VPS26A: variants seen among roughly 807,000 people sequenced by gnomAD.
VPS26A encodes VPS26 retromer complex component A.
A neutral mutation model predicts 42.4 loss-of-function variants in VPS26A; 22 were observed. That is an observed-to-expected ratio of 0.52 (90% CI 0.37 to 0.74). The LOEUF (loss-of-function observed/expected upper bound fraction) is 0.74. Among genes scored for constraint, VPS26A ranks in the 30% least tolerant of loss-of-function variants. VPS26A has a pLI of 0.00. For missense variants in VPS26A, 276 were observed against 379.2 expected (o/e 0.73, Z 2.26); for synonymous variants, 110 against 123.5 (o/e 0.89, Z 0.73).
At chr10:69,136,399 G>A (rs1036920770) in intron 2 of VPS26A, among the ~76,000 whole-genome samples, 1 of 151,622 alleles carries the variant, frequency 6.6e-6, no homozygotes, top group African/African-American at 2.4e-5. Context: ...TGAGTAGCTG[G>A]GATTACAGGC....
chr10:69,131,828 T>G (rs1840786000), intron 1 of VPS26A, among the ~76,000 whole-genome samples: 4 of 152,218 alleles, frequency 2.6e-5, no homozygotes, highest in African/African-American at 7.2e-5. Context: ...CTTAAAAAGA[T>G]TAGAAGACTA....
At position 69,157,019 on chromosome 10, in the gene VPS26A, A is replaced by G; in HGVS notation, c.242A>G (p.Asp81Gly). 1 of 1,595,326 alleles carries G rather than the reference A, an allele frequency of 6.3e-7. No homozygotes were observed. Among genetic ancestry groups the G allele is most frequent in the South Asian group, 1.1e-5 (1 of 88,392 alleles). ...TAAAATTTCTCAGAACTTTTCAATG[A>G]CAAGAGTAATACTCATGAATTTGTA... ...EFVGQIELFN[D>G]KSNTHEFVNL... Residue 81 changes from aspartate (D) to glycine (G), a missense_variant, in exon 4 of 9, where the codon GAC becomes GGC. Transcript: ENST00000263559.
At chr10:69,137,357 C>T (rs1840937221) in intron 2 of VPS26A, among the ~76,000 whole-genome samples, 1 of 152,104 alleles carries the variant, frequency 6.6e-6, no homozygotes. Flanking sequence ...AGGGACTTAC[C>T]AGGTTAAAAT....
Position 69,171,804 on chromosome 10 carries a change from T to C in VPS26A, c.*535T>C, listed in dbSNP as rs928936467. On this transcript the variant is annotated 3_prime_UTR_variant, in exon 9 of 9. Coordinates refer to ENST00000263559, the MANE Select transcript of VPS26A (RefSeq NM_004896.5). ...TACATTTGTTTTTAACATATGTGTTTGAGAAAAGCATATGGAGTGTTTCAC... is the reference window on the plus strand; with the variant it reads ...TACATTTGTTTTTAACATATGTGTTCGAGAAAAGCATATGGAGTGTTTCAC... 6.5e-6 allele frequency: 1 copy of C among 153,240 alleles called. No homozygotes were observed. Among genetic ancestry groups the C allele is most frequent in the African/African-American group, 2.4e-5 (1 of 41,466 alleles). 9.5% of individuals were successfully genotyped at this position (153,240 alleles called of 1,614,324 possible).
Position 69,171,649 on chromosome 10 carries a change from C to A in VPS26A, c.*380C>A, listed in dbSNP as rs532044011. ...TGATTATAAATCCTCTCTTTTCAGG[C>A]TAATGATTACCTCTTATTCTCTACA... On this transcript the variant is annotated 3_prime_UTR_variant, in exon 9 of 9. Coordinates refer to ENST00000263559, the MANE Select transcript of VPS26A (RefSeq NM_004896.5). 6.3e-6 allele frequency: 1 copy of A among 158,414 alleles called. No homozygotes were observed. Among genetic ancestry groups the A allele is most frequent in the Non-Finnish European group, 1.4e-5 (1 of 72,328 alleles). The allele number at this position is 158,414 out of a possible 1,614,324, so 9.8% of individuals were successfully genotyped here. A position where few individuals can be genotyped will look rare whatever the true frequency, so the allele number is the denominator to read the frequency against.
Position 69,149,727 on chromosome 10 carries a change from G to GTTTT in VPS26A, c.154-6082_154-6079dup, listed in dbSNP as rs151136046. ...ACCATGGAATGTTAACTTTCTTGGT[G>GTTTT]TTTTTTGTTTTTTTTTTTTTTTTTT... On this transcript the variant is annotated intron_variant, in intron 2 of 8. Transcript: ENST00000263559. 2.5e-3 allele frequency among the ~76,000 whole-genome samples: 235 copies of GTTTT among 93,930 alleles called. 36 individuals carry two copies. Among genetic ancestry groups the GTTTT allele is most frequent in the African/African-American group, 6.9e-3 (141 of 20,566 alleles). The allele number at this position is 93,930 out of a possible 152,430, so 61.6% of individuals were successfully genotyped here. A position where few individuals can be genotyped will look rare whatever the true frequency, so the allele number is the denominator to read the frequency against.
At chr10:69,157,296 C>T in intron 4 of VPS26A, 133 bp downstream of exon 4, 4 of 1,178,314 alleles carry the variant, frequency 3.4e-6, no homozygotes, top group Non-Finnish European at 4.6e-6. Context: ...CTGTCACATA[C>T]TTTGGCTAAT....
chr10:69,128,962 A>C (rs1564671612), intron 1 of VPS26A, among the ~76,000 whole-genome samples: 4 of 132,128 alleles, frequency 3.0e-5, no homozygotes, highest in Non-Finnish European at 4.6e-5. Flanking sequence ...ATACCACTGC[A>C]CTCCAGCCTG....
Position 69,158,220 on chromosome 10 carries a change from C to T in VPS26A, c.551+9C>T. 6.4e-7 allele frequency: 1 copy of T among 1,566,456 alleles called. No individual in the cohort carries two copies. Among genetic ancestry groups the T allele is most frequent in the Non-Finnish European group, 8.6e-7 (1 of 1,159,146 alleles). On this transcript the variant is annotated intron_variant, in intron 5 of 8. Coordinates refer to ENST00000263559, the MANE Select transcript of VPS26A (RefSeq NM_004896.5). ...GAATATAATAAATCAAAGTAAGTAT[C>T]ATTCACAGATAAGTTGTTCAGAGAA...
chr10:69,131,473 G>A (rs1840775905), intron 1 of VPS26A, among the ~76,000 whole-genome samples: 1 of 152,110 alleles, frequency 6.6e-6, no homozygotes, highest in Non-Finnish European at 1.5e-5. Context: ...GGTGGCTCAT[G>A]CCTGTAATCC....
chr10:69,156,360 A>G (rs554402764), intron 3 of VPS26A, among the ~76,000 whole-genome samples: 34 of 152,208 alleles, frequency 2.2e-4, no homozygotes, highest in African/African-American at 7.7e-4. Context: ...ATTTCCATAC[A>G]TGATTCCAGA....
rs1771863868 is a variant in VPS26A at position 69,159,664 on chromosome 10, AG to A, written c.551+1454del. On this transcript the variant is annotated intron_variant, in intron 5 of 8. Transcript: ENST00000263559. ...TGTTTTCTGTGTCTATTCAGAAAAA[AG>A]TTTTAAAAAGTTATATATCATTCTA... 2.0e-5 allele frequency among the ~76,000 whole-genome samples: 3 copies of A among 152,164 alleles called. 1 individual carries two copies. The South Asian group carries it at 6.2e-4, about 32-fold the overall frequency.
At chr10:69,127,552 C>CAA (rs1023422339) in intron 1 of VPS26A, among the ~76,000 whole-genome samples, 3 of 112,302 alleles carry the variant, frequency 2.7e-5, no homozygotes, top group Non-Finnish European at 3.7e-5. Context: ...GACTCCATCT[C>CAA]AAAAAAAAAA....
intron 2 of VPS26A, among the ~76,000 whole-genome samples, chr10:69,135,884 G>A (rs988205488): frequency 2.6e-5 from 4 of 152,118 alleles, no homozygotes; most frequent in African/African-American, 4.8e-5. Flanking sequence ...GCTACCCCAT[G>A]TGTCCTGTCT....
Position 69,172,402 on chromosome 10 carries a change from G to A in VPS26A, c.*1133G>A, listed in dbSNP as rs527957052. The stretch of plus-strand genomic sequence containing the variant: ...GGGTCTGATCGCAAATACACTAAAT[G>A]TGGAGTGTAGGAACCAAAATGAAAC... On this transcript the variant is annotated 3_prime_UTR_variant, in exon 9 of 9. Coordinates refer to ENST00000263559, the MANE Select transcript of VPS26A (RefSeq NM_004896.5). 2.4e-4 allele frequency: 36 copies of A among 152,412 alleles called. No individual in the cohort carries two copies. Among genetic ancestry groups the A allele is most frequent in the Admixed American group, 9.2e-4 (14 of 15,300 alleles). 9.4% of individuals were successfully genotyped at this position (152,412 alleles called of 1,614,324 possible).
At chr10:69,133,101 T>C in intron 2 of VPS26A, 54 bp downstream of exon 2, 1 of 1,560,316 alleles carries the variant, frequency 6.4e-7, no homozygotes, top group East Asian at 2.3e-5. Context: ...GAATTAGTTA[T>C]CAAAGTGGTC....
At chr10:69,158,944 A>G (rs924796546) in intron 5 of VPS26A, among the ~76,000 whole-genome samples, 1 of 152,258 alleles carries the variant, frequency 6.6e-6, no homozygotes, top group African/African-American at 2.4e-5. Context: ...CTGTATCAAT[A>G]TCATTTTATA....
intron 1 of VPS26A, among the ~76,000 whole-genome samples, chr10:69,131,732 CAAA>C (rs141395294): frequency 6.8e-6 from 1 of 147,526 alleles, no homozygotes; most frequent in African/African-American, 2.5e-5. Context: ...GACTCTGTCT[CAAA>C]AAAAAAATCA....
rs747774218 is a variant in VPS26A at position 69,158,212 on chromosome 10, G to A, written c.551+1G>A. On this transcript the variant is annotated splice_donor_variant, in intron 5 of 8. Transcript: ENST00000263559. LOFTEE classifies it high-confidence loss of function. ...TAGAATTTGAATATAATAAATCAAA[G>A]TAAGTATCATTCACAGATAAGTTGT... 6.3e-7 allele frequency: 1 copy of A among 1,577,188 alleles called. No homozygotes were observed. Among genetic ancestry groups the A allele is most frequent in the Admixed American group, 1.9e-5 (1 of 52,080 alleles).
Sources: gnomAD v4.1 joint callset for allele counts (sites outside exome capture counted in the v4.1 genomes callset) on GRCh38, gnomAD v4.1.1 for gene constraint, MANE v1.5 for transcripts, NCBI Gene and HGNC (gene_info 2026-07-23, HGNC 2026-07-21) for gene names.